The following GRSF1 variants were observed in gnomAD, a reference collection of about 807,000 sequenced individuals.
GRSF1 encodes G-rich RNA sequence binding factor 1.
A neutral mutation model predicts 51.1 loss-of-function variants in GRSF1; 50 were observed. The ratio of observed to expected loss-of-function variants is 0.98; its 90% CI spans 0.78 to 1.24. The LOEUF (loss-of-function observed/expected upper bound fraction) is 1.24, where lower values mean the gene tolerates loss of function less well. Among genes scored for constraint, GRSF1 ranks in the 50% most tolerant of loss-of-function variants. GRSF1 has a pLI of 0.00. For synonymous variants in GRSF1, 293 were observed against 253.3 expected, an observed-to-expected ratio of 1.16 and a Z score of -1.49; for missense variants, 700 against 639.7, an observed-to-expected ratio of 1.09 and a Z score of -1.02.
At chr4:70,827,747 C>A (rs1234092026) in intron 6 of GRSF1, 105 bp downstream of exon 6, 29 of 787,612 alleles carry the variant, frequency 3.7e-5, no homozygotes, top group Non-Finnish European at 4.3e-5. Context: ...CCACTGCACT[C>A]CAGCCTGGCA....
rs569499677 is a variant in GRSF1 at position 70,832,589 on chromosome 4, T to C, written c.671-139A>G. On this transcript the variant is annotated intron_variant, in intron 3 of 9. Transcript: ENST00000254799. ...TCTTTATGCGCTTCTCTAGAGAAAATAACAAATGACATTTATTGCATATTT... is the reference window on the plus strand; with the variant it reads ...TCTTTATGCGCTTCTCTAGAGAAAACAACAAATGACATTTATTGCATATTT... The C allele has an allele frequency of 5.1e-6, 3 of 586,492 alleles. No homozygotes were observed. The African/African-American group carries it at 5.6e-5, about 11-fold the overall frequency. The allele number at this position is 586,492 out of a possible 1,614,324, so 36.3% of individuals were successfully genotyped here. A position where few individuals can be genotyped will look rare whatever the true frequency, so the allele number is the denominator to read the frequency against.
At chr4:70,820,900 A>C (rs1418522075) in intron 9 of GRSF1, 39 bp from the exon 10 acceptor site, 1 of 152,516 alleles carries the variant, frequency 6.6e-6, no homozygotes, top group Non-Finnish European at 1.5e-5. Context: ...TTTACTCAAG[A>C]TGAAAAAGGA....
At chr4:70,838,886 T>G in intron 1 of GRSF1, 1 of 318,222 alleles carries the variant, frequency 3.1e-6, no homozygotes, top group Non-Finnish European at 6.1e-6. Flanking sequence ...ATGAGTGGAG[T>G]TGCAGAGGTG....
chr4:70,825,938 A>G (rs1281595722), intron 7 of GRSF1, 186 bp downstream of exon 7: 2 of 546,180 alleles, frequency 3.7e-6, no homozygotes, highest in Admixed American at 6.8e-5. Flanking sequence ...TCACAAAAAA[A>G]AGTAATACCA....
At chr4:70,821,832 C>A (rs1007595732) in intron 9 of GRSF1, among the ~76,000 whole-genome samples, 3 of 151,946 alleles carry the variant, frequency 2.0e-5, no homozygotes, top group African/African-American at 7.3e-5. Context: ...TGCACCACCA[C>A]ACCCAGCTAA....
chr4:70,835,394 C>A (rs1734159414), intron 2 of GRSF1, among the ~76,000 whole-genome samples: 1 of 147,166 alleles, frequency 6.8e-6, no homozygotes. Flanking sequence ...CATGCCACTG[C>A]ACTCCAGCCT....
chr4:70,817,245 T>A lies in GRSF1; in HGVS notation c.*3642A>T, dbSNP rs1733349213. On this transcript the variant is annotated 3_prime_UTR_variant, in exon 10 of 10. Transcript: ENST00000254799. ...TTTTTTTTCTGAGACAGGGTCTCACTCTGTCACTCAGGCTGGAGTGCAGCA... is the reference window on the plus strand; with the variant it reads ...TTTTTTTTCTGAGACAGGGTCTCACACTGTCACTCAGGCTGGAGTGCAGCA... The A allele has an allele frequency of 6.6e-6, 1 of 151,764 alleles. No homozygotes were observed. The highest frequency in any genetic ancestry group is 1.9e-4 in the East Asian group (1 of 5,170). 9.4% of individuals were successfully genotyped at this position (151,764 alleles called of 1,614,324 possible). A position where few individuals can be genotyped will look rare whatever the true frequency, so the allele number is the denominator to read the frequency against.
Position 70,825,454 on chromosome 4 carries a change from C to A in GRSF1, c.1258-23G>T, listed in dbSNP as rs368308484. 9 of 1,596,838 alleles carry A rather than the reference C, an allele frequency of 5.6e-6. No individual in the cohort carries two copies. The African/African-American group carries it at 9.4e-5, about 17-fold the overall frequency. On this transcript the variant is annotated intron_variant, in intron 7 of 9. Transcript: ENST00000254799. ...AAACTAAACGACAAACAAAGGCAGT[C>A]AAGAGGAACATGATGGATGTAAACC... is the stretch of plus-strand genomic sequence containing the variant.
At chr4:70,840,055 TTGGG>T (rs1215616699), upstream of GRSF1, 15 of 449,472 alleles carry the variant, frequency 3.3e-5, no homozygotes, top group South Asian at 1.4e-4. Flanking sequence ...TGCCCATGGT[TTGGG>T]CGGGGCTGCC....
chr4:70,837,828 C>CG (rs1370404022), intron 1 of GRSF1, among the ~76,000 whole-genome samples: 3 of 150,848 alleles, frequency 2.0e-5, no homozygotes, highest in African/African-American at 4.9e-5. Flanking sequence ...TTAGTAGACA[C>CG]GGAGTTTCAC....
chr4:70,816,828 TGAGA>T lies in GRSF1; in HGVS notation c.*4055_*4058del, dbSNP rs1733328789. The T allele has an allele frequency of 6.6e-6, 1 of 152,198 alleles. No homozygotes were observed. The highest frequency in any genetic ancestry group is 1.5e-5 in the Non-Finnish European group (1 of 68,048). The allele number at this position is 152,198 out of a possible 1,614,324, so 9.4% of individuals were successfully genotyped here. A position where few individuals can be genotyped will look rare whatever the true frequency, so the allele number is the denominator to read the frequency against. ...TTGGACATGCATATAGAAAAAAAGA[TGAGA>T]CTGCAGGAGGCAGGCTATGGGATAA... On this transcript the variant is annotated 3_prime_UTR_variant, in exon 10 of 10. Transcript: ENST00000254799.
upstream of GRSF1, among the ~76,000 whole-genome samples, chr4:70,841,275 C>A (rs1298319123): frequency 6.6e-6 from 1 of 152,144 alleles, no homozygotes; most frequent in East Asian, 1.9e-4. Flanking sequence ...CAGAGTGAAA[C>A]CCTGTCTCTA....
chr4:70,839,941 G>C, upstream of GRSF1: 1 of 928,892 alleles, frequency 1.1e-6, no homozygotes, highest in Non-Finnish European at 1.5e-6. Flanking sequence ...TGCGCCGCGG[G>C]CACTGGGTGG....
chr4:70,836,455 C>A (rs1248615047), intron 1 of GRSF1, 141 bp from the exon 2 acceptor site: 4 of 611,452 alleles, frequency 6.5e-6, no homozygotes, highest in Non-Finnish European at 1.1e-5. Context: ...ACCAATGTAA[C>A]CCATCCTGTT....
At chr4:70,823,908 T>C (rs1733623218) in intron 9 of GRSF1, among the ~76,000 whole-genome samples, 1 of 150,482 alleles carries the variant, frequency 6.6e-6, no homozygotes, top group African/African-American at 2.4e-5. Flanking sequence ...TTCTACCATA[T>C]TACAAATTAG....
At chr4:70,827,640 T>C (rs752981149) in intron 6 of GRSF1, among the ~76,000 whole-genome samples, 2 of 151,810 alleles carry the variant, frequency 1.3e-5, no homozygotes, top group African/African-American at 2.4e-5. Flanking sequence ...TGGCTGCGCG[T>C]GGCGGCATGC....
intron 3 of GRSF1, 48 bp downstream of exon 3, chr4:70,833,069 TA>T: frequency 6.5e-7 from 1 of 1,546,576 alleles, no homozygotes; most frequent in Non-Finnish European, 8.8e-7. Flanking sequence ...TTGAAAAGTA[TA>T]AAACCTAATG....
In GRSF1 at chr4:70,816,439, G is replaced by C. The variant is rs932227120; in HGVS notation, c.*4448C>G. ...AAATCTCCCTCAAAAAAACTCCAAT[G>C]ACGGCTGGGTGTGGTGGCTGATGCC... On this transcript the variant is annotated 3_prime_UTR_variant, in exon 10 of 10. Coordinates refer to ENST00000254799, the MANE Select transcript of GRSF1 (RefSeq NM_002092.4). 8 of 151,514 alleles carry C rather than the reference G, an allele frequency of 5.3e-5. 1 individual carries two copies. The highest frequency in any genetic ancestry group is 4.6e-4 in the Admixed American group (7 of 15,208). The allele number at this position is 151,514 out of a possible 1,614,324, so 9.4% of individuals were successfully genotyped here. A position where few individuals can be genotyped will look rare whatever the true frequency, so the allele number is the denominator to read the frequency against.
chr4:70,827,163 C>T (rs1264552177), intron 6 of GRSF1, among the ~76,000 whole-genome samples: 1 of 152,030 alleles, frequency 6.6e-6, no homozygotes, highest in Non-Finnish European at 1.5e-5. Flanking sequence ...TGGCAGGCGC[C>T]TGTAGTCCCA....
Sources: allele counts gnomAD v4.1 joint callset (sites outside exome capture counted in the v4.1 genomes callset), GRCh38; gene constraint gnomAD v4.1.1; transcripts MANE v1.5; gene names NCBI Gene and HGNC (gene_info 2026-07-23, HGNC 2026-07-21).